FXR1: variants seen among roughly 807,000 people sequenced by gnomAD.
FXR1 encodes RNA-binding protein FXR1.
FXR1 carries 15 observed loss-of-function variants against 84.0 expected under a neutral mutation model. That is an observed-to-expected ratio of 0.18 (90% CI 0.12 to 0.27). The LOEUF is 0.27. FXR1 is among the 10% of genes least tolerant of loss of function. The probability of loss-of-function intolerance (pLI) is 1.00; values close to 1 mark genes in which losing one functional copy is unlikely to be tolerated. For synonymous variants in FXR1, 245 were observed against 250.7 expected (o/e 0.98, Z 0.21); for missense variants, 480 against 774.4 (o/e 0.62, Z 4.51).
At chr3:180,952,114 T>C (rs1217139927) in intron 8 of FXR1, among the ~76,000 whole-genome samples, 1 of 152,186 alleles carries the variant, frequency 6.6e-6, no homozygotes, top group African/African-American at 2.4e-5. Flanking sequence ...TCCTTCAAAT[T>C]AGAGTAACTG....
rs565543093 is a variant in FXR1, at chr3:180,921,631, T to C, written c.51+8895T>C. ...TCTTTTAGTTGTGGTAAGCATCTTA[T>C]AAGTTTATATCTTATAAATTTGAGA... On this transcript the variant is annotated intron_variant, in intron 1 of 16. Coordinates refer to ENST00000357559, the MANE Select transcript of FXR1 (RefSeq NM_005087.4). Among the ~76,000 whole-genome samples the C allele has an allele frequency of 1.6e-4, 24 of 152,212 alleles. No individual in the cohort carries two copies. The South Asian group carries it at 4.3e-3, about 28-fold the overall frequency.
chr3:180,912,697 G>A lies in FXR1; in HGVS notation c.12G>A (p.Leu4=), dbSNP rs1717354931. Residue 4 remains leucine, a synonymous_variant, in exon 1 of 17, where the codon CTG becomes CTA. Coordinates refer to ENST00000357559, the MANE Select transcript of FXR1 (RefSeq NM_005087.4). ...TTTGCGGTTCCAACATGGCGGAGCT[G>A]ACGGTGGAGGTTCGCGGCTCTAACG... MAE[L]TVEVRGSNGA... 2 of 1,613,794 alleles carry A rather than the reference G, an allele frequency of 1.2e-6. No individual in the cohort carries two copies. The highest frequency in any genetic ancestry group is 2.2e-5 in the East Asian group (1 of 44,856).
chr3:180,969,591 A>G (rs1043218120), intron 14 of FXR1, among the ~76,000 whole-genome samples: 4 of 152,164 alleles, frequency 2.6e-5, no homozygotes, highest in Admixed American at 2.6e-4. Flanking sequence ...GTTCAACCTT[A>G]TTTAATTGGC....
intron 3 of FXR1, among the ~76,000 whole-genome samples, chr3:180,938,798 T>C (rs553204429): frequency 6.6e-6 from 1 of 152,312 alleles, no homozygotes; most frequent in Admixed American, 6.5e-5. Context: ...TCAGCCTGCC[T>C]TGGCCTCCCA....
intron 1 of FXR1, among the ~76,000 whole-genome samples, chr3:180,926,044 C>T (rs551030324): frequency 6.6e-6 from 1 of 152,230 alleles, no homozygotes; most frequent in Non-Finnish European, 1.5e-5. Context: ...TTTAGAAATA[C>T]AGTAAGTACT....
chr3:180,960,882 CAG>C (rs1712013525), intron 10 of FXR1, among the ~76,000 whole-genome samples: 1 of 152,058 alleles, frequency 6.6e-6, no homozygotes, highest in South Asian at 2.1e-4. Flanking sequence ...GTTTAGCACA[CAG>C]AAGACAATTT....
intron 3 of FXR1, among the ~76,000 whole-genome samples, chr3:180,945,350 C>T (rs766126912): frequency 1.3e-5 from 2 of 152,186 alleles, no homozygotes; most frequent in African/African-American, 2.4e-5. Context: ...TTTCCACTTA[C>T]GAAGTACATT....
At chr3:180,974,388 C>T (rs1413036854) in intron 15 of FXR1, among the ~76,000 whole-genome samples, 1 of 152,082 alleles carries the variant, frequency 6.6e-6, no homozygotes, top group African/African-American at 2.4e-5. Flanking sequence ...GGTGATCTGC[C>T]CACCTTGGCC....
rs747745510 is a variant in FXR1, at chr3:180,951,449, C to T, written c.782C>T (p.Thr261Ile). The T allele has an allele frequency of 2.1e-5, 34 of 1,611,814 alleles. No homozygotes were observed. The highest frequency in any genetic ancestry group is 6.7e-5 in the Admixed American group (4 of 59,844). Residue 261 changes from threonine to isoleucine, a missense_variant, in exon 8 of 17, where the codon ACA becomes ATA. By Grantham distance (89) the Thr-to-Ile change is moderately conservative. This residue lies in a region of FXR1 where 136 missense variants were observed against 315.4 expected (regional missense o/e 0.43). Coordinates refer to ENST00000357559, the MANE Select transcript of FXR1 (RefSeq NM_005087.4). Reference protein sequence around the residue: ...TAIELDEDTGTFRIYGESADA... With the variant: ...TAIELDEDTGIFRIYGESADA... Reference sequence around the variant, plus strand: ...ATTGAGCTAGATGAAGATACTGGAACATTCAGAATCTACGGAGAGGTAAGT... The same window carrying T: ...ATTGAGCTAGATGAAGATACTGGAATATTCAGAATCTACGGAGAGGTAAGT...
chr3:180,942,627 TA>T (rs1721258347), intron 3 of FXR1, among the ~76,000 whole-genome samples: 1 of 152,118 alleles, frequency 6.6e-6, no homozygotes, highest in Non-Finnish European at 1.5e-5. Flanking sequence ...CGATAGTGAT[TA>T]AAATGAGTGC....
intron 16 of FXR1, among the ~76,000 whole-genome samples, 159 bp downstream of exon 16, chr3:180,975,563 T>TA (rs1403765947): frequency 1.3e-5 from 2 of 152,152 alleles, no homozygotes; most frequent in African/African-American, 4.8e-5. Context: ...CCCAGGTAAC[T>TA]AAAGATATGC....
At chr3:180,924,307 GGTGAT>G (rs1289359805) in intron 1 of FXR1, among the ~76,000 whole-genome samples, 4 of 152,120 alleles carry the variant, frequency 2.6e-5, no homozygotes, top group Non-Finnish European at 5.9e-5. Flanking sequence ...TCTCAGTTCT[GGTGAT>G]GGCACATAGG....
intron 1 of FXR1, among the ~76,000 whole-genome samples, chr3:180,932,537 C>G (rs893733956): frequency 1.3e-5 from 2 of 152,084 alleles, no homozygotes; most frequent in Admixed American, 1.3e-4. Flanking sequence ...TATGTCAGAT[C>G]TTATGGTTTC....
intron 1 of FXR1, among the ~76,000 whole-genome samples, chr3:180,920,494 G>A (rs920444650): frequency 4.0e-5 from 6 of 151,464 alleles, no homozygotes; most frequent in East Asian, 3.9e-4. Context: ...ACTCTGCAAC[G>A]AGAAAGTCAG....
intron 11 of FXR1, among the ~76,000 whole-genome samples, chr3:180,961,837 T>G (rs1026976796): frequency 1.3e-5 from 2 of 152,230 alleles, no homozygotes; most frequent in Admixed American, 6.5e-5. Context: ...ATGATTCCTT[T>G]GTCTTCATGC....
At chr3:180,963,383 T>A (rs1712389464) in intron 13 of FXR1, among the ~76,000 whole-genome samples, 1 of 152,164 alleles carries the variant, frequency 6.6e-6, no homozygotes, top group African/African-American at 2.4e-5. Context: ...GTAACTTGTT[T>A]TTCAAATACT....
At chr3:180,926,381 T>C (rs983119312) in intron 1 of FXR1, among the ~76,000 whole-genome samples, 1 of 151,284 alleles carries the variant, frequency 6.6e-6, no homozygotes, top group African/African-American at 2.4e-5. Context: ...TGCTTTACCA[T>C]GAAACTTTTA....
At chr3:180,953,041 C>T (rs765572611) in intron 8 of FXR1, among the ~76,000 whole-genome samples, 2 of 151,944 alleles carry the variant, frequency 1.3e-5, no homozygotes, top group Non-Finnish European at 2.9e-5. Context: ...TGGAGGTTTC[C>T]TATGTTGCCC....
intron 1 of FXR1, among the ~76,000 whole-genome samples, chr3:180,919,215 A>G (rs1032181603): frequency 2.0e-5 from 3 of 152,088 alleles, no homozygotes; most frequent in Admixed American, 6.6e-5. Context: ...AATGTAAAAT[A>G]CAAATTGGGT....
Sources: gnomAD v4.1 joint callset for allele counts (sites outside exome capture counted in the v4.1 genomes callset) on GRCh38, gnomAD v4.1.1 for gene constraint, gnomAD v4.1.1 regional missense constraint, MANE v1.5 for transcripts, NCBI Gene and HGNC (gene_info 2026-07-23, HGNC 2026-07-21) for gene names.